Variants in SEMA5A observed in about 807,000 individuals in gnomAD.
The protein encoded by SEMA5A is semaphorin 5A, also known as semaphorin-5A.
Under a neutral mutation model 135.5 loss-of-function variants are expected in SEMA5A, and 55 were observed. That is an observed-to-expected ratio of 0.41 (90% CI 0.33 to 0.51). The LOEUF is 0.51. SEMA5A is among the 20% of genes least tolerant of loss of function. SEMA5A has a pLI of 0.37. For synonymous variants in SEMA5A, 580 were observed against 546.5 expected, an observed-to-expected ratio of 1.06 and a Z score of -0.85; for missense variants, 1,290 against 1,419.9, an observed-to-expected ratio of 0.91 and a Z score of 1.47.
intron 2 of SEMA5A, among the ~76,000 whole-genome samples, chr5:9,384,094 G>T (rs1755726811): frequency 6.6e-6 from 1 of 152,078 alleles, no homozygotes; most frequent in Non-Finnish European, 1.5e-5. Context: ...TAAACTAAAG[G>T]TACTGTAAAC....
chr5:9,271,971 G>A (rs1749998039), intron 5 of SEMA5A, among the ~76,000 whole-genome samples: 1 of 152,118 alleles, frequency 6.6e-6, no homozygotes, highest in African/African-American at 2.4e-5. Context: ...CACAGGAGTT[G>A]TTTTTTCATA....
At chr5:9,412,439 T>C (rs17257569) in intron 2 of SEMA5A, among the ~76,000 whole-genome samples, 12,707 of 151,428 alleles carry the variant, frequency 0.084, 607 homozygotes, top group Non-Finnish European at 0.11. Context: ...CAGGACTGTA[T>C]ATAAAGTAAA....
intron 1 of SEMA5A, among the ~76,000 whole-genome samples, chr5:9,467,789 T>C (rs1759317215): frequency 6.6e-6 from 1 of 152,202 alleles, no homozygotes; most frequent in Admixed American, 6.5e-5. Context: ...AGCGTGGGTC[T>C]GGCGTCCTGC....
intron 1 of SEMA5A, among the ~76,000 whole-genome samples, chr5:9,516,295 A>C (rs1229194714): frequency 6.6e-6 from 1 of 152,098 alleles, no homozygotes; most frequent in Non-Finnish European, 1.5e-5. Flanking sequence ...CACACACCAC[A>C]CACACACCTG....
intron 13 of SEMA5A, among the ~76,000 whole-genome samples, chr5:9,131,275 A>G (rs554647115): frequency 1.3e-5 from 2 of 152,124 alleles, no homozygotes; most frequent in Non-Finnish European, 2.9e-5. Context: ...GATGTGTCAC[A>G]TGGTGAGAGA....
intron 15 of SEMA5A, among the ~76,000 whole-genome samples, chr5:9,112,943 T>C (rs1326137492): frequency 3.3e-5 from 5 of 152,202 alleles, no homozygotes; most frequent in Non-Finnish European, 7.3e-5. Flanking sequence ...TGTCAAGGAA[T>C]TGAGGGCAGC....
intron 2 of SEMA5A, among the ~76,000 whole-genome samples, chr5:9,411,588 A>C (rs963437673): frequency 1.8e-4 from 27 of 152,220 alleles, no homozygotes; most frequent in African/African-American, 4.8e-4. Flanking sequence ...GCTCGTCCTC[A>C]GTCCCATGAA....
rs145395418 is a variant in SEMA5A, at chr5:9,533,940, A to G, written c.-175+11644T>C. On this transcript the variant is annotated intron_variant, in intron 1 of 22. Coordinates refer to ENST00000382496, the MANE Select transcript of SEMA5A (RefSeq NM_003966.3). ...ACTGCAATTATCAAGCAAAACCGCAAACCAGCAGAAGTCAAAGTCAACCCC... is the reference window on the plus strand; with the variant it reads ...ACTGCAATTATCAAGCAAAACCGCAGACCAGCAGAAGTCAAAGTCAACCCC... 2.1e-3 allele frequency among the ~76,000 whole-genome samples: 316 copies of G among 152,344 alleles called. 1 individual carries two copies. In the South Asian group the frequency reaches 0.033, roughly 16 times the overall value.
At chr5:9,173,442 C>A (rs1017329494) in intron 11 of SEMA5A, among the ~76,000 whole-genome samples, 3 of 152,090 alleles carry the variant, frequency 2.0e-5, no homozygotes, top group Non-Finnish European at 4.4e-5. Context: ...TCTCATAGTT[C>A]TAAAGCCTGG....
chr5:9,230,239 A>C (rs1579668414), intron 6 of SEMA5A, among the ~76,000 whole-genome samples: 1 of 131,280 alleles, frequency 7.6e-6, no homozygotes, highest in Non-Finnish European at 1.5e-5. Context: ...GGTTCAAGGG[A>C]TCCTCCTGCC....
chr5:9,198,901 T>C (rs1165499506), intron 9 of SEMA5A, among the ~76,000 whole-genome samples: 1 of 152,118 alleles, frequency 6.6e-6, no homozygotes, highest in Non-Finnish European at 1.5e-5. Context: ...ATATTACGAA[T>C]AATAACAATA....
chr5:9,420,534 G>A (rs1757429316), intron 2 of SEMA5A, among the ~76,000 whole-genome samples: 1 of 152,162 alleles, frequency 6.6e-6, no homozygotes, highest in Admixed American at 6.5e-5. Flanking sequence ...ATTTTAAGAC[G>A]GGAACTTTCA....
chr5:9,503,143 C>G (rs201240079), intron 1 of SEMA5A, among the ~76,000 whole-genome samples: 18 of 147,102 alleles, frequency 1.2e-4, no homozygotes, highest in Admixed American at 8.2e-4. Flanking sequence ...GAGAGAGAGA[C>G]AGAATGAATG....
At chr5:9,518,965 A>C (rs1736671636) in intron 1 of SEMA5A, among the ~76,000 whole-genome samples, 1 of 152,124 alleles carries the variant, frequency 6.6e-6, no homozygotes, top group Non-Finnish European at 1.5e-5. Flanking sequence ...ATTTGGGGAT[A>C]CCTGCTACCT....
intron 18 of SEMA5A, among the ~76,000 whole-genome samples, chr5:9,062,668 A>G (rs1164381863): frequency 6.6e-6 from 1 of 152,036 alleles, no homozygotes; most frequent in Non-Finnish European, 1.5e-5. Context: ...GTCTGGCTAT[A>G]TTGCCCAGCC....
At chr5:9,291,407 C>T (rs1028335911) in intron 5 of SEMA5A, among the ~76,000 whole-genome samples, 4 of 152,170 alleles carry the variant, frequency 2.6e-5, no homozygotes, top group Non-Finnish European at 5.9e-5. Flanking sequence ...GACCGAAGAG[C>T]TCCTTTGCCA....
intron 11 of SEMA5A, among the ~76,000 whole-genome samples, chr5:9,176,885 C>G (rs1744236505): frequency 6.6e-6 from 1 of 152,208 alleles, no homozygotes; most frequent in Non-Finnish European, 1.5e-5. Flanking sequence ...TTAAAGAATG[C>G]ACAGATGGGT....
At chr5:9,493,488 C>CTTAT (rs1191847163) in intron 1 of SEMA5A, among the ~76,000 whole-genome samples, 7 of 151,958 alleles carry the variant, frequency 4.6e-5, no homozygotes, top group Admixed American at 1.3e-4. Context: ...TAATTATTAA[C>CTTAT]TTATTTATTT....
intron 6 of SEMA5A, among the ~76,000 whole-genome samples, chr5:9,232,651 T>C (rs1490501931): frequency 6.6e-6 from 1 of 152,202 alleles, no homozygotes; most frequent in African/African-American, 2.4e-5. Context: ...TGTATTGATA[T>C]ATAAAATATA....
Sources: gnomAD v4.1 joint callset for allele counts (sites outside exome capture counted in the v4.1 genomes callset) on GRCh38, gnomAD v4.1.1 for gene constraint, MANE v1.5 for transcripts, NCBI Gene and HGNC (gene_info 2026-07-23, HGNC 2026-07-21) for gene names.